KAZN: variants seen among roughly 807,000 people sequenced by gnomAD.
KAZN encodes the protein kazrin.
KAZN carries 40 observed loss-of-function variants against 87.4 expected under a neutral mutation model. The observed-to-expected ratio is 0.46, with a 90% CI of 0.36 to 0.60. The LOEUF is 0.60. Ranked by LOEUF, KAZN falls within the 20% of genes least tolerant of loss-of-function variation. The pLI is 0.00. For missense variants in KAZN, 898 were observed against 1,073.9 expected (o/e 0.84, Z 2.29); for synonymous variants, 466 against 458.3 (o/e 1.02, Z -0.22).
intron 1 of KAZN, among the ~76,000 whole-genome samples, chr1:14,037,413 A>G (rs1023719864): frequency 4.6e-5 from 7 of 152,206 alleles, no homozygotes; most frequent in African/African-American, 1.7e-4. Context: ...GCTTTCGTAT[A>G]AAGCGGAGAA....
At chr1:14,037,740 A>C (rs923281466) in intron 1 of KAZN, among the ~76,000 whole-genome samples, 4 of 152,212 alleles carry the variant, frequency 2.6e-5, no homozygotes, top group African/African-American at 9.7e-5. Context: ...ATGGGGTTCA[A>C]TTAAGCCTCT....
chr1:14,159,584 C>T (rs1306457511), intron 1 of KAZN, among the ~76,000 whole-genome samples: 1 of 152,196 alleles, frequency 6.6e-6, no homozygotes. Flanking sequence ...CAAGAGCCTA[C>T]TTGGTGCTCT....
chr1:13,912,510 G>A (rs184552905), intron 1 of KAZN, among the ~76,000 whole-genome samples: 1 of 152,284 alleles, frequency 6.6e-6, no homozygotes, highest in East Asian at 1.9e-4. Flanking sequence ...CAGGGCAACA[G>A]CTCATGTTGA....
chr1:14,941,517 A>G (rs1216569738), intron 1 of KAZN, among the ~76,000 whole-genome samples: 38 of 119,012 alleles, frequency 3.2e-4, no homozygotes, highest in Non-Finnish European at 9.6e-5. Flanking sequence ...TCAGCAGCCT[A>G]TCTTCTAGGC....
chr1:14,791,127 C>T (rs779850180), intron 1 of KAZN, among the ~76,000 whole-genome samples: 7 of 152,232 alleles, frequency 4.6e-5, no homozygotes, highest in Non-Finnish European at 7.3e-5. Context: ...TCGAAACAGC[C>T]TTGAGATGCC....
chr1:14,351,934 G>A (rs904795311), intron 2 of KAZN, among the ~76,000 whole-genome samples: 12 of 151,874 alleles, frequency 7.9e-5, no homozygotes, highest in South Asian at 2.1e-4. Context: ...CTTCCAAAGC[G>A]AAAAAAGAAA....
In KAZN at chr1:14,681,611, GTGTATATATATATATATA is replaced by G. The variant is rs1276132303; in HGVS notation, c.226+82390_226+82407del. Among the ~76,000 whole-genome samples, 52 of 33,874 alleles carry G rather than the reference GTGTATATATATATATATA, an allele frequency of 1.5e-3. 1 individual carries two copies. The highest frequency in any genetic ancestry group is 3.0e-3 in the African/African-American group (31 of 10,406). The allele number at this position is 33,874 out of a possible 152,430, so 22.2% of individuals were successfully genotyped here. ...ATTTTAACTATATATATATGTATAT[GTGTATATATATATATATA>G]TATATATATATATATATATATATAT... is the stretch of plus-strand genomic sequence containing the variant. On this transcript the variant is annotated intron_variant, in intron 1 of 14. Coordinates refer to ENST00000376030, the MANE Select transcript of KAZN (RefSeq NM_201628.3).
intron 2 of KAZN, among the ~76,000 whole-genome samples, chr1:14,332,751 A>C (rs1656941423): frequency 6.6e-6 from 1 of 152,126 alleles, no homozygotes; most frequent in African/African-American, 2.4e-5. Flanking sequence ...AACAGCTTTG[A>C]ATTTGAGTTT....
chr1:14,510,270 C>G (rs1001289667), intron 2 of KAZN, among the ~76,000 whole-genome samples: 2 of 151,606 alleles, frequency 1.3e-5, no homozygotes, highest in Non-Finnish European at 2.9e-5. Flanking sequence ...CCCAGCTACT[C>G]GGGTGGCAGA....
chr1:15,001,445 G>A (rs111948029), intron 2 of KAZN, among the ~76,000 whole-genome samples: 4,225 of 150,910 alleles, frequency 0.028, 191 homozygotes, highest in African/African-American at 0.091. Context: ...CAACCTGGGC[G>A]ACCGAGCGAA....
intron 1 of KAZN, among the ~76,000 whole-genome samples, chr1:14,888,188 G>A (rs969601935): frequency 2.6e-5 from 4 of 152,138 alleles, no homozygotes; most frequent in East Asian, 1.9e-4. Context: ...TCGCCGGAGC[G>A]GTGCTTTCAG....
intron 1 of KAZN, among the ~76,000 whole-genome samples, chr1:14,667,057 G>T (rs1416440322): frequency 1.3e-5 from 2 of 152,186 alleles, no homozygotes; most frequent in African/African-American, 4.8e-5. Flanking sequence ...AATCCAGGAA[G>T]ACGTCATCTC....
chr1:14,736,305 T>TGTG (rs1280744639), intron 1 of KAZN, among the ~76,000 whole-genome samples: 1 of 130,452 alleles, frequency 7.7e-6, no homozygotes, highest in African/African-American at 3.3e-5. Context: ...GTGTGTATAT[T>TGTG]TTTTTTTTTT....
intron 1 of KAZN, among the ~76,000 whole-genome samples, chr1:14,063,015 TAC>T (rs1642857418): frequency 6.6e-6 from 1 of 152,232 alleles, no homozygotes; most frequent in South Asian, 2.1e-4. Context: ...AAATTCAATA[TAC>T]ACATATTTTA....
chr1:14,620,148 G>A (rs112463063), intron 1 of KAZN, among the ~76,000 whole-genome samples: 8 of 152,296 alleles, frequency 5.3e-5, no homozygotes, highest in African/African-American at 1.7e-4. Context: ...TATTTTACAC[G>A]TGTATGTATA....
intron 2 of KAZN, among the ~76,000 whole-genome samples, chr1:15,015,441 G>A (rs992701620): frequency 1.3e-5 from 2 of 152,126 alleles, no homozygotes; most frequent in Non-Finnish European, 2.9e-5. Flanking sequence ...GTGAGCCACC[G>A]GGCCCGGCCA....
intron 2 of KAZN, among the ~76,000 whole-genome samples, chr1:14,347,645 C>T (rs528938253): frequency 6.6e-6 from 1 of 152,076 alleles, no homozygotes; most frequent in Admixed American, 6.6e-5. Context: ...ACAATGAGTC[C>T]ATTTGTATGA....
intron 1 of KAZN, among the ~76,000 whole-genome samples, chr1:14,066,461 T>C (rs901404819): frequency 7.2e-5 from 11 of 152,176 alleles, no homozygotes; most frequent in African/African-American, 2.7e-4. Flanking sequence ...TCTCACTTCT[T>C]GGGGTAGAGG....
At chr1:14,742,199 C>T (rs1644121766) in intron 1 of KAZN, among the ~76,000 whole-genome samples, 3 of 152,176 alleles carry the variant, frequency 2.0e-5, no homozygotes, top group Admixed American at 6.5e-5. Context: ...GTGACCTTGT[C>T]CGTCCTGTTC....
Sources: allele counts gnomAD v4.1 joint callset (sites outside exome capture counted in the v4.1 genomes callset), GRCh38; gene constraint gnomAD v4.1.1; transcripts MANE v1.5; gene names NCBI Gene and HGNC (gene_info 2026-07-23, HGNC 2026-07-21).